Variants in RASA2 observed in about 807,000 individuals in gnomAD.
The protein encoded by RASA2 is ras GTPase-activating protein 2.
In RASA2, 155 loss-of-function variants were observed where a neutral mutation model predicts 118.2. The ratio of observed to expected loss-of-function variants is 1.31; its 90% CI spans 1.15 to 1.50. The LOEUF is 1.50. Ranked by LOEUF, RASA2 falls within the 40% of genes most tolerant of loss-of-function variation. The pLI is 0.00. For missense variants in RASA2, 1,016 were observed against 1,009.6 expected (o/e 1.01, Z -0.09); for synonymous variants, 353 against 349.1 (o/e 1.01, Z -0.12).
intron 3 of RASA2, among the ~76,000 whole-genome samples, chr3:141,522,353 A>G (rs1419189698): frequency 6.6e-6 from 1 of 152,166 alleles, no homozygotes. Context: ...AGAACTGACC[A>G]TGGCAGGTTC....
intron 19 of RASA2, among the ~76,000 whole-genome samples, chr3:141,590,293 GGAC>G (rs2083269057): frequency 6.6e-6 from 1 of 152,144 alleles, no homozygotes; most frequent in African/African-American, 2.4e-5. Context: ...TAAATGCCTT[GGAC>G]TGCTGTGCTT....
intron 9 of RASA2, among the ~76,000 whole-genome samples, chr3:141,570,200 C>T (rs2082895226): frequency 6.8e-6 from 1 of 147,210 alleles, no homozygotes; most frequent in Admixed American, 6.8e-5. Context: ...CTTACGCATT[C>T]TGATATGTCT....
Position 141,606,924 on chromosome 3 carries a change from TA to T in RASA2, c.1934-753del, listed in dbSNP as rs199633466. ...ACAATATTACAAAATGACCAGAAGTTAGAATTATGTTTGCTTATAGTTTCTA... is the reference window on the plus strand; with the variant it reads ...ACAATATTACAAAATGACCAGAAGTTGAATTATGTTTGCTTATAGTTTCTA... On this transcript the variant is annotated intron_variant, in intron 19 of 23. Transcript: ENST00000286364. 4.9e-3 allele frequency among the ~76,000 whole-genome samples: 740 copies of T among 152,292 alleles called. 8 individuals are homozygous for T. Among genetic ancestry groups the T allele is most frequent in the African/African-American group, 0.017 (707 of 41,572 alleles).
At chr3:141,539,872 C>T (rs1323664659) in intron 4 of RASA2, among the ~76,000 whole-genome samples, 1 of 152,130 alleles carries the variant, frequency 6.6e-6, no homozygotes, top group East Asian at 1.9e-4. Context: ...AGAAAGTACT[C>T]CTTTATTTTC....
At chr3:141,588,133 G>T (rs1323865081) in intron 19 of RASA2, among the ~76,000 whole-genome samples, 1 of 152,092 alleles carries the variant, frequency 6.6e-6, no homozygotes, top group Non-Finnish European at 1.5e-5. Flanking sequence ...AGATTTTCAG[G>T]ATAGTTACAT....
In RASA2 at chr3:141,571,000, G is replaced by C; in HGVS notation, c.952G>C (p.Asp318His). ...SLRLNICYTEDYVLPSEYYGP... is the reference protein window; with the variant it reads ...SLRLNICYTEHYVLPSEYYGP... ...TCGATTAAATATATGTTATACAGAA[G>C]ACTACGTGCTTCCTTCAGAGTACTA... is the stretch of plus-strand genomic sequence containing the variant. The change falls in exon 10 of 24, where the codon GAC becomes CAC. Residue 318 changes from aspartate to histidine, a missense_variant. Transcript: ENST00000286364. 2.5e-6 allele frequency: 4 copies of C among 1,612,558 alleles called. No individual in the cohort carries two copies. The highest frequency in any genetic ancestry group is 3.4e-6 in the Non-Finnish European group (4 of 1,179,304).
chr3:141,567,903 A>G (rs1382816132), intron 9 of RASA2, among the ~76,000 whole-genome samples: 1 of 152,272 alleles, frequency 6.6e-6, no homozygotes, highest in Non-Finnish European at 1.5e-5. Flanking sequence ...AAGAAAATCC[A>G]CAAAAGCATT....
chr3:141,523,294 T>C (rs1478201058), intron 3 of RASA2, among the ~76,000 whole-genome samples: 2 of 152,034 alleles, frequency 1.3e-5, no homozygotes, highest in Non-Finnish European at 2.9e-5. Flanking sequence ...CCTGGCTAAT[T>C]TTTATATTTT....
At chr3:141,488,000 C>T (rs1203747935) in intron 1 of RASA2, among the ~76,000 whole-genome samples, 1 of 152,176 alleles carries the variant, frequency 6.6e-6, no homozygotes, top group Non-Finnish European at 1.5e-5. Flanking sequence ...CCGCTTAATT[C>T]CCTTCCTTCT....
At chr3:141,494,307 C>T (rs1365111494) in intron 1 of RASA2, among the ~76,000 whole-genome samples, 1 of 152,176 alleles carries the variant, frequency 6.6e-6, no homozygotes, top group Non-Finnish European at 1.5e-5. Flanking sequence ...TTCTTTATAC[C>T]CACGTAGGGT....
At chr3:141,563,774 C>A (rs2082773862) in intron 9 of RASA2, among the ~76,000 whole-genome samples, 1 of 152,098 alleles carries the variant, frequency 6.6e-6, no homozygotes, top group African/African-American at 2.4e-5. Context: ...GTGCTTTTAA[C>A]CAGTGTACTG....
chr3:141,597,938 A>T (rs2083400453), intron 19 of RASA2, among the ~76,000 whole-genome samples: 1 of 152,226 alleles, frequency 6.6e-6, no homozygotes, highest in Non-Finnish European at 1.5e-5. Flanking sequence ...GAGCAACTTT[A>T]TATCAATAAA....
At chr3:141,514,955 A>G (rs2082001421) in intron 2 of RASA2, among the ~76,000 whole-genome samples, 2 of 152,212 alleles carry the variant, frequency 1.3e-5, no homozygotes, top group Admixed American at 1.3e-4. Context: ...GGATAGATGT[A>G]TAGTGATAGA....
intron 11 of RASA2, 125 bp downstream of exon 11, chr3:141,571,679 G>GA: frequency 1.1e-6 from 1 of 893,604 alleles, no homozygotes; most frequent in Non-Finnish European, 1.6e-6. Flanking sequence ...AGGCTGAAAA[G>GA]AAGTACTTAA....
intron 1 of RASA2, among the ~76,000 whole-genome samples, chr3:141,496,375 A>G (rs1366341210): frequency 3.9e-5 from 6 of 152,228 alleles, no homozygotes; most frequent in Non-Finnish European, 7.3e-5. Context: ...ATCAGAGTGA[A>G]CAGGCAACCT....
chr3:141,584,926 A>T (rs537128878), intron 17 of RASA2, among the ~76,000 whole-genome samples: 2 of 152,210 alleles, frequency 1.3e-5, no homozygotes, highest in Admixed American at 6.5e-5. Context: ...TAATCTGAAA[A>T]TCCAAAATTC....
In RASA2 at chr3:141,570,925, C is replaced by T. The variant is rs374611168; in HGVS notation, c.877C>T (p.Pro293Ser). Residue 293 changes from proline (P) to serine (S), a missense_variant, in exon 10 of 24, where the codon CCA becomes TCA. Around this residue, in one of 2 missense-constraint regions of RASA2, gnomAD observed 896 missense variants for 836.4 expected, o/e 1.07. Coordinates refer to ENST00000286364, the MANE Select transcript of RASA2 (RefSeq NM_006506.5). The stretch of plus-strand genomic sequence containing the variant: ...TTTTTACTTTAGGTACTTGCTACAG[C>T]CAAGAGACAATGGAAACAAGTCATC... ...SSHQAWYLLQ[P>S]RDNGNKSSKT... is the part of the protein sequence containing the mutation. The T allele has an allele frequency of 5.6e-6, 9 of 1,607,352 alleles. No individual in the cohort carries two copies. The highest frequency in any genetic ancestry group is 7.6e-6 in the Non-Finnish European group (9 of 1,177,796).
rs1446771710 is a variant in RASA2 at position 141,609,873 on chromosome 3, G to A, written c.2330-4G>A. ...TCAGAGATTTATTTTCCTGCTCTTTGTAGAGGCTTGTGGAACTATTGCAGT... is the reference window on the plus strand; with the variant it reads ...TCAGAGATTTATTTTCCTGCTCTTTATAGAGGCTTGTGGAACTATTGCAGT... On this transcript the variant is annotated splice_region_variant and splice_polypyrimidine_tract_variant and intron_variant, in intron 22 of 23. Coordinates refer to ENST00000286364, the MANE Select transcript of RASA2 (RefSeq NM_006506.5). 6.5e-7 allele frequency: 1 copy of A among 1,549,078 alleles called. No homozygotes were observed. The highest frequency in any genetic ancestry group is 1.4e-5 in the African/African-American group (1 of 71,696).
intron 1 of RASA2, among the ~76,000 whole-genome samples, chr3:141,502,975 G>A (rs929908755): frequency 1.3e-5 from 2 of 152,216 alleles, no homozygotes; most frequent in South Asian, 2.1e-4. Flanking sequence ...AAGACTCTAG[G>A]CTTTGGAGTT....
Sources: gnomAD v4.1 joint callset for allele counts (sites outside exome capture counted in the v4.1 genomes callset) on GRCh38, gnomAD v4.1.1 for gene constraint, gnomAD v4.1.1 regional missense constraint, MANE v1.5 for transcripts, NCBI Gene and HGNC (gene_info 2026-07-23, HGNC 2026-07-21) for gene names.